GC: variants seen among roughly 807,000 people sequenced by gnomAD.
GC encodes the protein GC vitamin D binding protein.
Under a neutral mutation model 56.7 loss-of-function variants are expected in GC, and 43 were observed. That is an observed-to-expected ratio of 0.76 (90% CI 0.59 to 0.98). The LOEUF is 0.98. GC is among the 50% of genes least tolerant of loss of function. GC has a pLI of 0.00. For synonymous variants in GC, 216 were observed against 202.7 expected, an observed-to-expected ratio of 1.07 and a Z score of -0.56; for missense variants, 529 against 545.9, an observed-to-expected ratio of 0.97 and a Z score of 0.31.
At chr4:71,787,021 T>C (rs221997), upstream of GC, among the ~76,000 whole-genome samples, 151,936 of 151,994 alleles carry the variant, frequency 1, 75,939 homozygotes, top group Middle Eastern at 1. Context: ...ATTCTTATAG[T>C]TCAGCCATTT....
At chr4:71,772,181 C>T (rs1470347034) in intron 1 of GC, among the ~76,000 whole-genome samples, 6 of 152,108 alleles carry the variant, frequency 3.9e-5, no homozygotes, top group South Asian at 2.1e-4. Context: ...TTAAAAATAG[C>T]GAGAGATTAT....
At chr4:71,753,038 C>T (rs1350796275) in intron 10 of GC, among the ~76,000 whole-genome samples, 2 of 151,300 alleles carry the variant, frequency 1.3e-5, no homozygotes, top group Admixed American at 6.6e-5. Flanking sequence ...CCTTTTTTTC[C>T]TCTCATAATT....
At chr4:71,792,423 T>C (rs765774088) in intron 1 of GC, among the ~76,000 whole-genome samples, 16 of 152,226 alleles carry the variant, frequency 1.1e-4, no homozygotes, top group Non-Finnish European at 4.4e-5. Flanking sequence ...CCAGTGATGA[T>C]GAGCATTTTT....
At chr4:71,787,532 G>A (rs1331308078), upstream of GC, among the ~76,000 whole-genome samples, 1 of 151,842 alleles carries the variant, frequency 6.6e-6, no homozygotes, top group African/African-American at 2.4e-5. Flanking sequence ...AGATCTACAT[G>A]GCTCTTCCCC....
At chr4:71,801,988 G>C (rs576592520) in intron 1 of GC, among the ~76,000 whole-genome samples, 82 of 151,152 alleles carry the variant, frequency 5.4e-4, no homozygotes, top group Non-Finnish European at 1.1e-3. Flanking sequence ...GAAAATGCCA[G>C]GTTAATTATT....
At chr4:71,774,985 C>G (rs370381504) in intron 1 of GC, among the ~76,000 whole-genome samples, 8 of 148,926 alleles carry the variant, frequency 5.4e-5, no homozygotes, top group African/African-American at 2.0e-4. Context: ...CTTTGACTAT[C>G]AGTCCTGGAA....
chr4:71,784,355 C>T, upstream of GC: 1 of 1,018,076 alleles, frequency 9.8e-7, no homozygotes, highest in Non-Finnish European at 1.2e-6. Flanking sequence ...CTAAAGTTTA[C>T]TTAATATGTT....
chr4:71,803,750 A>G (rs1743301812), intron 1 of GC, among the ~76,000 whole-genome samples: 1 of 152,228 alleles, frequency 6.6e-6, no homozygotes, highest in Non-Finnish European at 1.5e-5. Flanking sequence ...GTTCTCATAC[A>G]CATCAATATT....
chr4:71,763,368 A>G, intron 6 of GC, 40 bp downstream of exon 6: 1 of 1,071,898 alleles, frequency 9.3e-7, no homozygotes, highest in Non-Finnish European at 1.4e-6. Flanking sequence ...GACAGTGCAG[A>G]ACCAAACATC....
Position 71,765,489 on chromosome 4 carries a change from G to A in GC, c.416C>T (p.Pro139Leu), listed in dbSNP as rs768106455. 2 of 1,613,836 alleles carry A rather than the reference G, an allele frequency of 1.2e-6. No homozygotes were observed. The highest frequency in any genetic ancestry group is 1.3e-5 in the African/African-American group (1 of 74,882). Residue 139 changes from proline (P) to leucine (L), a missense_variant, in exon 4 of 13, where the codon CCC becomes CTC. Coordinates refer to ENST00000273951, the MANE Select transcript of GC (RefSeq NM_000583.4). ...QPQEFPTYVE[P>L]TNDEICEAFR... ...CGCCTCACAGATTTCATCATTTGTG[G>A]GTTCCACGTAGGTAGGGAATTCCTG...
intron 1 of GC, among the ~76,000 whole-genome samples, chr4:71,777,032 T>C (rs1485174217): frequency 2.0e-5 from 3 of 151,936 alleles, no homozygotes; most frequent in Admixed American, 1.3e-4. Flanking sequence ...TTATCTTGTA[T>C]AGGAAAATTT....
intron 5 of GC, 117 bp from the exon 6 acceptor site, chr4:71,763,619 T>G: frequency 1.3e-6 from 1 of 761,068 alleles, no homozygotes; most frequent in Non-Finnish European, 2.2e-6. Context: ...AACTGAACAC[T>G]GGTGAAAGGA....
chr4:71,785,126 T>G (rs924135728), upstream of GC, among the ~76,000 whole-genome samples: 7 of 151,916 alleles, frequency 4.6e-5, no homozygotes, highest in Middle Eastern at 3.4e-3. Flanking sequence ...TTCATTTTCC[T>G]CATATGCAAT....
At chr4:71,801,667 T>A (rs1489131510) in intron 1 of GC, among the ~76,000 whole-genome samples, 1 of 152,142 alleles carries the variant, frequency 6.6e-6, no homozygotes, top group African/African-American at 2.4e-5. Flanking sequence ...GAGAAAATAC[T>A]CTACATGCCC....
intron 12 of GC, among the ~76,000 whole-genome samples, chr4:71,745,027 C>A (rs1364894614): frequency 6.6e-6 from 1 of 152,154 alleles, no homozygotes; most frequent in Non-Finnish European, 1.5e-5. Context: ...TTAGATTCAA[C>A]CAGTAGTAGT....
At chr4:71,786,576 C>T (rs1043296249), upstream of GC, among the ~76,000 whole-genome samples, 5 of 151,718 alleles carry the variant, frequency 3.3e-5, no homozygotes, top group East Asian at 9.7e-4. Flanking sequence ...AGCCTCTTTC[C>T]CTCTTTCCTC....
At chr4:71,773,394 G>A (rs1742403114) in intron 1 of GC, among the ~76,000 whole-genome samples, 1 of 151,956 alleles carries the variant, frequency 6.6e-6, no homozygotes, top group East Asian at 1.9e-4. Flanking sequence ...GCTGCTTCAG[G>A]CACCTTACCT....
intron 1 of GC, among the ~76,000 whole-genome samples, chr4:71,781,299 G>A (rs1360193957): frequency 6.6e-6 from 1 of 151,796 alleles, no homozygotes; most frequent in East Asian, 1.9e-4. Flanking sequence ...ACGAGTTAAT[G>A]GGTGTCAGCA....
intron 1 of GC, among the ~76,000 whole-genome samples, chr4:71,773,168 C>G (rs184412157): frequency 7.9e-5 from 12 of 152,108 alleles, no homozygotes; most frequent in African/African-American, 2.9e-4. Flanking sequence ...TGATATGGCC[C>G]TAGTAAATAT....
Sources: allele counts gnomAD v4.1 joint callset (sites outside exome capture counted in the v4.1 genomes callset), GRCh38; gene constraint gnomAD v4.1.1; transcripts MANE v1.5; gene names NCBI Gene and HGNC (gene_info 2026-07-23, HGNC 2026-07-21).